ABRAXAS1: variants seen among roughly 807,000 people sequenced by gnomAD.
The protein encoded by ABRAXAS1 is abraxas 1, BRCA1 A complex subunit, also known as BRCA1-A complex subunit Abraxas 1.
ABRAXAS1 carries 26 observed loss-of-function variants against 38.4 expected under a neutral mutation model. That is an observed-to-expected ratio of 0.68 (90% confidence interval 0.50 to 0.94). The LOEUF is 0.94. Among genes scored for constraint, ABRAXAS1 ranks in the 40% least tolerant of loss-of-function variants. The pLI is 0.00. For missense variants in ABRAXAS1, 438 were observed against 481.9 expected (o/e 0.91, Z 0.85); for synonymous variants, 144 against 165.5 (o/e 0.87, Z 1.00).
chr4:83,484,128 A>T (rs889481629), intron 1 of ABRAXAS1: 1 of 961,786 alleles, frequency 1.0e-6, no homozygotes, highest in African/African-American at 1.8e-5. Flanking sequence ...TCGGCTTCCC[A>T]AAGGGCTGGA....
At chr4:83,473,304 A>G (rs1722648381) in intron 3 of ABRAXAS1, among the ~76,000 whole-genome samples, 1 of 152,108 alleles carries the variant, frequency 6.6e-6, no homozygotes, top group Non-Finnish European at 1.5e-5. Flanking sequence ...ATATTTGTCT[A>G]CTTACAGTTC....
At chr4:83,482,084 C>T in intron 2 of ABRAXAS1, 70 bp downstream of exon 2, 1 of 970,342 alleles carries the variant, frequency 1.0e-6, no homozygotes, top group Non-Finnish European at 1.6e-6. Context: ...TTACGCTGAC[C>T]CCTTTCAGCA....
chr4:83,482,047 T>C, intron 2 of ABRAXAS1, 107 bp downstream of exon 2: 1 of 706,094 alleles, frequency 1.4e-6, no homozygotes, highest in Non-Finnish European at 2.2e-6. Flanking sequence ...GCCCAGCCTC[T>C]GTATTTCCTA....
rs1289646709 is a variant in ABRAXAS1, at chr4:83,461,202, T to C, written c.*1267A>G. The C allele has an allele frequency of 5.6e-6, 9 of 1,610,322 alleles. No individual in the cohort carries two copies. The highest frequency in any genetic ancestry group is 6.8e-6 in the Non-Finnish European group (8 of 1,178,234). On this transcript the variant is annotated 3_prime_UTR_variant, in exon 9 of 9. Transcript: ENST00000321945. ...AACATCAGATATCGGGAATAAATTC[T>C]ATCACGTTACCACTAATAAACTTAT...
At chr4:83,469,293 G>A in intron 5 of ABRAXAS1, 142 bp from the exon 6 acceptor site, 1 of 626,682 alleles carries the variant, frequency 1.6e-6, no homozygotes. Context: ...ATCCAAAATA[G>A]AATTTACTGA....
chr4:83,461,373 A>T lies in ABRAXAS1; in HGVS notation c.*1096T>A, dbSNP rs1722107124. On this transcript the variant is annotated 3_prime_UTR_variant, in exon 9 of 9. Coordinates refer to ENST00000321945, the MANE Select transcript of ABRAXAS1 (RefSeq NM_139076.3). ...TTGCTTATTTAAAATGTTAACACTC[A>T]TCACATTTTATCTATGTTGAATAAA... 1.8e-6 allele frequency: 1 copy of T among 569,374 alleles called. No individual in the cohort carries two copies. The highest frequency in any genetic ancestry group is 3.1e-6 in the Non-Finnish European group (1 of 317,484). The allele number at this position is 569,374 out of a possible 1,614,324, so 35.3% of individuals were successfully genotyped here.
At chr4:83,477,957 A>G in intron 2 of ABRAXAS1, 1 of 893,486 alleles carries the variant, frequency 1.1e-6, no homozygotes, top group South Asian at 1.3e-5. Flanking sequence ...ATTCGAATGC[A>G]GGCTCAAGGA....
At position 83,461,074 on chromosome 4, in the gene ABRAXAS1, A is replaced by C; in HGVS notation, c.*1395T>G. 6.2e-7 allele frequency: 1 copy of C among 1,612,550 alleles called. No homozygotes were observed. The highest frequency in any genetic ancestry group is 1.1e-5 in the South Asian group (1 of 91,016). On this transcript the variant is annotated 3_prime_UTR_variant, in exon 9 of 9. Transcript: ENST00000321945. ...CAACAACTGAATTGAGCTAGCTGAA[A>C]TTTTGCTCATTATGTTTTGTCAAGA...
Position 83,467,441 on chromosome 4 carries a change from T to G in ABRAXAS1, c.681+13A>C, listed in dbSNP as rs751425191. ...ATCTAGAAGTGGTTGACGTGTTTGA[T>G]ATGTTAACTTACCTTTAATTCCTCT... On this transcript the variant is annotated intron_variant, in intron 7 of 8. Transcript: ENST00000321945. 7 of 1,362,460 alleles carry G rather than the reference T, an allele frequency of 5.1e-6. No homozygotes were observed. The highest frequency in any genetic ancestry group is 7.3e-6 in the Non-Finnish European group (7 of 955,284). 84.4% of individuals were successfully genotyped at this position (1,362,460 alleles called of 1,614,324 possible).
At chr4:83,484,090 A>AC (rs1723091330) in intron 1 of ABRAXAS1, 1 of 945,944 alleles carries the variant, frequency 1.1e-6, no homozygotes, top group Non-Finnish European at 1.3e-6. Context: ...ATGGTCTCGA[A>AC]CTCGTGGGCT....
In ABRAXAS1 at chr4:83,476,711, ATTAAT is replaced by A. The variant is rs538126295; in HGVS notation, c.179-37_179-33del. 9.1e-3 allele frequency: 12,651 copies of A among 1,392,486 alleles called. 241 individuals are homozygous for A. Among genetic ancestry groups the A allele is most frequent in the Admixed American group, 0.08 (4,729 of 58,996 alleles). 86.3% of individuals were successfully genotyped at this position (1,392,486 alleles called of 1,614,324 possible). On this transcript the variant is annotated intron_variant, in intron 2 of 8. Coordinates refer to ENST00000321945, the MANE Select transcript of ABRAXAS1 (RefSeq NM_139076.3). ...GAAAAGGATTTTTAGTTATGATTAC[ATTAAT>A]TCAATTCAGAATCACCTGAATGCTG... is the stretch of plus-strand genomic sequence containing the variant.
At chr4:83,462,982 T>C in intron 8 of ABRAXAS1, 80 bp from the exon 9 acceptor site, 1 of 994,200 alleles carries the variant, frequency 1.0e-6, no homozygotes, top group African/African-American at 1.7e-5. Flanking sequence ...TAAGTAAAAT[T>C]AAGTCAAAAA....
chr4:83,474,474 G>A (rs1722694708), intron 3 of ABRAXAS1, among the ~76,000 whole-genome samples: 1 of 152,062 alleles, frequency 6.6e-6, no homozygotes, highest in Non-Finnish European at 1.5e-5. Flanking sequence ...AGCACTCTGG[G>A]AGGCCACAGT....
intron 4 of ABRAXAS1, among the ~76,000 whole-genome samples, chr4:83,471,654 G>A (rs917187122): frequency 2.0e-5 from 3 of 152,062 alleles, no homozygotes; most frequent in Non-Finnish European, 4.4e-5. Flanking sequence ...ATGTTATAGA[G>A]GATCCAAATT....
At chr4:83,472,061 C>T (rs1044307034) in intron 4 of ABRAXAS1, among the ~76,000 whole-genome samples, 161 bp downstream of exon 4, 1 of 152,084 alleles carries the variant, frequency 6.6e-6, no homozygotes, top group Non-Finnish European at 1.5e-5. Flanking sequence ...TTCAGAGCAA[C>T]CACTTTCAAT....
intron 1 of ABRAXAS1, among the ~76,000 whole-genome samples, chr4:83,483,294 TTGAGAA>T (rs1723061284): frequency 6.6e-6 from 1 of 151,380 alleles, no homozygotes; most frequent in Non-Finnish European, 1.5e-5. Context: ...TTTTTTTTTT[TTGAGAA>T]GAGGTCTAGC....
At position 83,462,427 on chromosome 4, in the gene ABRAXAS1, C is replaced by G; in HGVS notation, c.*42G>C. On this transcript the variant is annotated 3_prime_UTR_variant, in exon 9 of 9. Transcript: ENST00000321945. The stretch of plus-strand genomic sequence containing the variant: ...AAACAATAGAAATGTTTGGCTTTAC[C>G]CATCAGCCAAATAAAAAAATCTCCT... 6.6e-7 allele frequency: 1 copy of G among 1,505,450 alleles called. No individual in the cohort carries two copies. The allele number at this position is 1,505,450 out of a possible 1,614,324, so 93.3% of individuals were successfully genotyped here. A position where few individuals can be genotyped will look rare whatever the true frequency, so the allele number is the denominator to read the frequency against.
chr4:83,483,059 A>G (rs1723051701), intron 1 of ABRAXAS1, among the ~76,000 whole-genome samples: 1 of 152,220 alleles, frequency 6.6e-6, no homozygotes, highest in Non-Finnish European at 1.5e-5. Flanking sequence ...AAGGTACGAA[A>G]TGACAAGATT....
intron 8 of ABRAXAS1, among the ~76,000 whole-genome samples, 197 bp from the exon 9 acceptor site, chr4:83,463,099 G>C (rs568916359): frequency 6.6e-6 from 1 of 152,240 alleles, no homozygotes; most frequent in East Asian, 1.9e-4. Flanking sequence ...GTTCTTTCAT[G>C]TCAGCAATAT....
Sources: allele counts gnomAD v4.1 joint callset (sites outside exome capture counted in the v4.1 genomes callset), GRCh38; gene constraint gnomAD v4.1.1; transcripts MANE v1.5; gene names NCBI Gene and HGNC (gene_info 2026-07-23, HGNC 2026-07-21).